The following GRIP1 variants were observed in gnomAD, a reference collection of about 807,000 sequenced individuals.
The protein encoded by GRIP1 is glutamate receptor interacting protein 1.
GRIP1 carries 45 observed loss-of-function variants against 129.9 expected under a neutral mutation model. The observed-to-expected ratio is 0.35, with a 90% confidence interval of 0.27 to 0.44. GRIP1 has a LOEUF of 0.44. Among genes scored for constraint, GRIP1 ranks in the 20% least tolerant of loss-of-function variants. The pLI, the probability that GRIP1 is intolerant of heterozygous loss-of-function variation, is 1.00. For missense variants in GRIP1, 1,196 were observed against 1,396.8 expected, an observed-to-expected ratio of 0.86 and a Z score of 2.29; for synonymous variants, 530 against 520.8, an observed-to-expected ratio of 1.02 and a Z score of -0.24.
In GRIP1 at chr12:66,465,401, C is replaced by T. The variant is rs545072949; in HGVS notation, c.746G>A (p.Gly249Glu). 6.2e-7 allele frequency: 1 copy of T among 1,613,832 alleles called. No individual in the cohort carries two copies. The highest frequency in any genetic ancestry group is 1.7e-5 in the Admixed American group (1 of 60,012). Residue 249 changes from glycine (G) to glutamate (E), a missense_variant, in exon 8 of 25, where the codon GGG becomes GAG. Coordinates refer to ENST00000359742, the MANE Select transcript of GRIP1 (RefSeq NM_001366722.1). ...SVMDSVATAS[G>E]PLLVEVAKTP... Reference sequence around the variant, plus strand: ...TTTGGCAACTTCGACTAGTAGTGGCCCGGATGCTGTTGCCACAGAGTCTGT... The same window carrying T: ...TTTGGCAACTTCGACTAGTAGTGGCTCGGATGCTGTTGCCACAGAGTCTGT...
At chr12:66,497,198 G>A (rs2060261247) in intron 7 of GRIP1, among the ~76,000 whole-genome samples, 1 of 152,164 alleles carries the variant, frequency 6.6e-6, no homozygotes, top group South Asian at 2.1e-4. Context: ...TAATGAAAGA[G>A]ACCAACAGCT....
At chr12:66,883,848 A>G (rs779062426) in intron 1 of GRIP1, among the ~76,000 whole-genome samples, 2 of 152,214 alleles carry the variant, frequency 1.3e-5, no homozygotes, top group Non-Finnish European at 2.9e-5. Flanking sequence ...TTCAACTTCT[A>G]TAAATTTCTG....
chr12:66,399,716 T>C (rs1303734130), intron 16 of GRIP1, among the ~76,000 whole-genome samples: 1 of 151,946 alleles, frequency 6.6e-6, no homozygotes. Flanking sequence ...AAATGAATGC[T>C]ATCTGGCTTG....
intron 1 of GRIP1, among the ~76,000 whole-genome samples, chr12:66,980,563 G>T (rs7298033): frequency 6.6e-6 from 1 of 152,040 alleles, no homozygotes; most frequent in African/African-American, 2.4e-5. Context: ...GTGAGCCAAG[G>T]TCACACCACT....
At chr12:66,426,495 A>G (rs1413184412) in intron 14 of GRIP1, among the ~76,000 whole-genome samples, 1 of 152,050 alleles carries the variant, frequency 6.6e-6, no homozygotes, top group Admixed American at 6.6e-5. Flanking sequence ...CATGAATGCA[A>G]TGTATTTGTT....
At chr12:66,997,477 TAAAATA>T (rs2042485558) in intron 1 of GRIP1, among the ~76,000 whole-genome samples, 1 of 152,054 alleles carries the variant, frequency 6.6e-6, no homozygotes, top group Admixed American at 6.6e-5. Context: ...AAAAGTGCTT[TAAAATA>T]AATTAAGTTC....
At position 66,392,415 on chromosome 12, in the gene GRIP1, T is replaced by C; in HGVS notation, c.2357A>G (p.Gln786Arg). Reference sequence around the variant, plus strand: ...CATGTCGGAGAGCTTGCCTGGCTTCTGTGCTGGTGAGGAGTCCTCCTCCAC... The same window carrying C: ...CATGTCGGAGAGCTTGCCTGGCTTCCGTGCTGGTGAGGAGTCCTCCTCCAC... ...GDVEEDSSPA[Q>R]KPGKLSDMYP... is the part of the protein sequence containing the mutation. The change falls in exon 19 of 25, where the codon CAG becomes CGG. Residue 786 changes from glutamine to arginine, a missense_variant. Physicochemically the swap from Gln to Arg is conservative, Grantham distance 43. Coordinates refer to ENST00000359742, the MANE Select transcript of GRIP1 (RefSeq NM_001366722.1). 2 of 1,614,106 alleles carry C rather than the reference T, an allele frequency of 1.2e-6. No homozygotes were observed. The highest frequency in any genetic ancestry group is 1.7e-6 in the Non-Finnish European group (2 of 1,179,950).
intron 1 of GRIP1, among the ~76,000 whole-genome samples, chr12:66,930,958 A>T (rs1395857159): frequency 6.6e-6 from 1 of 152,182 alleles, no homozygotes; most frequent in Non-Finnish European, 1.5e-5. Context: ...AGAGTAGTTT[A>T]GATGGTTAGG....
At chr12:66,833,907 C>T (rs985150605) in intron 1 of GRIP1, among the ~76,000 whole-genome samples, 4 of 152,088 alleles carry the variant, frequency 2.6e-5, no homozygotes, top group Non-Finnish European at 4.4e-5. Flanking sequence ...CTGTGGCTCA[C>T]GCCTGTAATC....
intron 1 of GRIP1, among the ~76,000 whole-genome samples, chr12:66,758,891 G>A (rs2037384285): frequency 6.6e-6 from 1 of 152,130 alleles, no homozygotes. Context: ...GGCTTTTCGG[G>A]TACAGCCTCC....
intron 1 of GRIP1, among the ~76,000 whole-genome samples, chr12:66,904,999 A>G (rs2040907423): frequency 2.0e-5 from 3 of 152,252 alleles, no homozygotes; most frequent in South Asian, 4.1e-4. Flanking sequence ...GGTGTCCTCA[A>G]CAAAGGAGAT....
In GRIP1 at chr12:66,700,936, T is replaced by C. The variant is rs1053438802; in HGVS notation, c.-419-70600A>G. On this transcript the variant is annotated intron_variant, in intron 1 of 4. Coordinates refer to the GRIP1 transcript ENST00000538373. Reference sequence around the variant, plus strand: ...AGGTCCTGCTATGGGTCAGCCACTATGCTATGTGCTTGACCTACATGTTCA... The same window carrying C: ...AGGTCCTGCTATGGGTCAGCCACTACGCTATGTGCTTGACCTACATGTTCA... Among the ~76,000 whole-genome samples the C allele has an allele frequency of 3.3e-5, 5 of 152,296 alleles. No individual in the cohort carries two copies. In the East Asian group the frequency reaches 7.7e-4, roughly 24 times the overall value.
intron 17 of GRIP1, among the ~76,000 whole-genome samples, chr12:66,393,461 C>T (rs753228498): frequency 6.6e-5 from 10 of 152,034 alleles, no homozygotes; most frequent in South Asian, 2.1e-4. Context: ...TGTGAGCCAC[C>T]GCACCTGGCC....
chr12:66,515,761 C>A lies in GRIP1; in HGVS notation c.582G>T (p.Glu194Asp). 6.2e-7 allele frequency: 1 copy of A among 1,613,420 alleles called. No individual in the cohort carries two copies. The highest frequency in any genetic ancestry group is 8.5e-7 in the Non-Finnish European group (1 of 1,179,406). ...ACCTGTCACCGGGTTTGATCGTGCC[C>A]TCTCTGAAGGGAGAATAAAGGAATA... ...CVRPGGPADR[E>D]GTIKPGDRLL... The change falls in exon 7 of 25, where the codon GAG becomes GAT. Residue 194 changes from glutamate (E) to aspartate (D), a missense_variant. Around this residue, in one of 5 missense-constraint regions of GRIP1, gnomAD observed 16 missense variants for 43.6 expected, o/e 0.37. Coordinates refer to ENST00000359742, the MANE Select transcript of GRIP1 (RefSeq NM_001366722.1).
At chr12:66,938,586 C>G (rs998491396) in intron 1 of GRIP1, among the ~76,000 whole-genome samples, 31 of 152,180 alleles carry the variant, frequency 2.0e-4, no homozygotes, top group African/African-American at 7.0e-4. Flanking sequence ...TGATACCAGC[C>G]CCCAAGAACC....
In GRIP1 at chr12:66,904,922, T is replaced by C. The variant is rs184352412; in HGVS notation, c.58+164128A>G. On this transcript the variant is annotated intron_variant, in intron 1 of 1. Coordinates refer to the GRIP1 transcript ENST00000643019. Reference sequence around the variant, plus strand: ...AAAAACAAAAAAAAGTAAGCTTTGTTTTTGTTTGTCTTTTTATTGGTAAAG... The same window carrying C: ...AAAAACAAAAAAAAGTAAGCTTTGTCTTTGTTTGTCTTTTTATTGGTAAAG... Among the ~76,000 whole-genome samples, 127 of 152,128 alleles carry C rather than the reference T, an allele frequency of 8.3e-4. 1 individual carries two copies. The South Asian group carries it at 0.01, about 12-fold the overall frequency.
At chr12:66,349,279 C>G in intron 24 of GRIP1, 33 bp from the exon 25 acceptor site, 2 of 1,512,428 alleles carry the variant, frequency 1.3e-6, no homozygotes, top group East Asian at 2.3e-5. Flanking sequence ...TTTGAATTAT[C>G]GTTGTAACCA....
At chr12:66,959,808 G>A (rs2041896188) in intron 1 of GRIP1, among the ~76,000 whole-genome samples, 1 of 151,950 alleles carries the variant, frequency 6.6e-6, no homozygotes, top group Non-Finnish European at 1.5e-5. Context: ...AGAAAAGTAT[G>A]TACATAGATA....
At chr12:66,550,001 G>A (rs2062072932) in intron 2 of GRIP1, among the ~76,000 whole-genome samples, 1 of 152,082 alleles carries the variant, frequency 6.6e-6, no homozygotes, top group South Asian at 2.1e-4. Flanking sequence ...GAACAGAGAT[G>A]TTGACTGTTT....
Sources: gnomAD v4.1 joint callset for allele counts (sites outside exome capture counted in the v4.1 genomes callset) on GRCh38, gnomAD v4.1.1 for gene constraint, gnomAD v4.1.1 regional missense constraint, MANE v1.5 for transcripts, NCBI Gene and HGNC (gene_info 2026-07-23, HGNC 2026-07-21) for gene names.